The following DPP10 variants were observed in gnomAD, a reference collection of about 807,000 sequenced individuals.
DPP10 encodes the protein dipeptidyl peptidase like 10.
DPP10 carries 33 observed loss-of-function variants against 120.9 expected under a neutral mutation model. That is an observed-to-expected ratio of 0.27 (90% CI 0.21 to 0.37). DPP10 has a LOEUF of 0.37. DPP10 is among the 10% of genes least tolerant of loss of function. The pLI is 1.00. For missense variants in DPP10, 816 were observed against 942.8 expected (o/e 0.87, Z 1.76); for synonymous variants, 337 against 326.1 (o/e 1.03, Z -0.36).
chr2:115,747,087 G>A lies in DPP10; in HGVS notation c.950+904G>A, dbSNP rs150044137. On this transcript the variant is annotated intron_variant, in intron 10 of 25. Coordinates refer to ENST00000410059, the MANE Select transcript of DPP10 (RefSeq NM_020868.6). ...GTGGAAATTTTACGTACTTGAAAAG[G>A]TAATAAAGGTTTATGGAATGCTTAC... Among the ~76,000 whole-genome samples, 111 of 152,224 alleles carry A rather than the reference G, an allele frequency of 7.3e-4. 1 individual carries two copies. Among genetic ancestry groups the A allele is most frequent in the African/African-American group, 2.5e-3 (103 of 41,542 alleles).
intron 7 of DPP10, among the ~76,000 whole-genome samples, chr2:115,709,251 G>C (rs529360663): frequency 3.5e-4 from 53 of 152,140 alleles, no homozygotes; most frequent in African/African-American, 1.2e-3. Context: ...CTGTCGTTTA[G>C]GCAAGACCAA....
At chr2:115,025,396 T>C (rs1275708979) in intron 1 of DPP10, among the ~76,000 whole-genome samples, 4 of 152,204 alleles carry the variant, frequency 2.6e-5, no homozygotes, top group Non-Finnish European at 5.9e-5. Context: ...CTTTATCCAT[T>C]CATCCATTGA....
intron 5 of DPP10, among the ~76,000 whole-genome samples, chr2:115,537,938 T>C (rs1158466451): frequency 6.6e-6 from 1 of 151,960 alleles, no homozygotes; most frequent in African/African-American, 2.4e-5. Context: ...AGTTTTTCCA[T>C]GTGTAGCTGT....
intron 1 of DPP10, among the ~76,000 whole-genome samples, chr2:114,976,619 T>A (rs1420601943): frequency 1.3e-5 from 2 of 152,232 alleles, no homozygotes; most frequent in African/African-American, 4.8e-5. Context: ...CATAGAATAT[T>A]TCAGTGGAGA....
chr2:115,728,073 C>CAAAGA, intron 8 of DPP10, 137 bp downstream of exon 8: 1 of 925,120 alleles, frequency 1.1e-6, no homozygotes, highest in Non-Finnish European at 1.6e-6. Flanking sequence ...TGCCCTCATG[C>CAAAGA]TTTCATATCT....
intron 1 of DPP10, among the ~76,000 whole-genome samples, chr2:114,724,707 C>A (rs1184724394): frequency 6.6e-6 from 1 of 152,154 alleles, no homozygotes; most frequent in East Asian, 1.9e-4. Flanking sequence ...TGTGTGCAGC[C>A]TCTGAAAGCT....
At chr2:115,574,450 T>G (rs1426806470) in intron 5 of DPP10, among the ~76,000 whole-genome samples, 1 of 152,192 alleles carries the variant, frequency 6.6e-6, no homozygotes, top group East Asian at 1.9e-4. Flanking sequence ...CTGCAACACT[T>G]CCTGCCTCTG....
intron 3 of DPP10, among the ~76,000 whole-genome samples, chr2:115,479,453 T>C (rs185496649): frequency 4.0e-4 from 61 of 152,256 alleles, no homozygotes; most frequent in African/African-American, 1.4e-3. Context: ...TTTTCAGTTT[T>C]GCAAGATGAA....
intron 1 of DPP10, among the ~76,000 whole-genome samples, chr2:114,652,340 C>T (rs1696653089): frequency 6.6e-6 from 1 of 152,188 alleles, no homozygotes; most frequent in Admixed American, 6.5e-5. Context: ...TCTGGAGGCA[C>T]ATCCTAACAG....
chr2:114,608,201 C>T (rs552988207), intron 1 of DPP10, among the ~76,000 whole-genome samples: 5 of 152,280 alleles, frequency 3.3e-5, no homozygotes, highest in African/African-American at 1.2e-4. Flanking sequence ...TCTGAGCAGA[C>T]AAATACGCAG....
chr2:115,001,070 G>A (rs926922612), intron 1 of DPP10, among the ~76,000 whole-genome samples: 1 of 152,068 alleles, frequency 6.6e-6, no homozygotes, highest in Non-Finnish European at 1.5e-5. Context: ...CCATTAACTT[G>A]TTTTACTCTA....
intron 1 of DPP10, among the ~76,000 whole-genome samples, chr2:114,443,746 C>T (rs1220299051): frequency 6.6e-6 from 1 of 150,736 alleles, no homozygotes; most frequent in Non-Finnish European, 1.5e-5. Context: ...CCTGACAGGG[C>T]ATCTTTAGTT....
At chr2:114,621,019 G>A (rs906621166) in intron 1 of DPP10, among the ~76,000 whole-genome samples, 4 of 152,036 alleles carry the variant, frequency 2.6e-5, no homozygotes, top group Non-Finnish European at 5.9e-5. Flanking sequence ...GAAAAGCCCA[G>A]CCAAAATATG....
At chr2:115,799,133 T>G (rs1167309156) in intron 19 of DPP10, among the ~76,000 whole-genome samples, 1 of 152,086 alleles carries the variant, frequency 6.6e-6, no homozygotes. Context: ...TATAAGAAAA[T>G]GTGGCTCTGA....
chr2:115,356,529 A>G (rs138816339), intron 3 of DPP10, among the ~76,000 whole-genome samples: 1,570 of 152,116 alleles, frequency 0.01, 24 homozygotes, highest in African/African-American at 0.037. Context: ...CTCTCTTCCT[A>G]TTTGAATACC....
At chr2:115,672,410 A>G (rs909225005) in intron 5 of DPP10, among the ~76,000 whole-genome samples, 1 of 152,174 alleles carries the variant, frequency 6.6e-6, no homozygotes, top group Admixed American at 6.5e-5. Flanking sequence ...ATTTCTAGAT[A>G]GTTAGAACAT....
chr2:115,762,879 T>C (rs1341270184), intron 12 of DPP10, among the ~76,000 whole-genome samples: 2 of 152,208 alleles, frequency 1.3e-5, no homozygotes, highest in African/African-American at 2.4e-5. Context: ...CACTCTTGTG[T>C]AGATGAAGGA....
At chr2:114,720,167 G>GGT (rs563179365) in intron 1 of DPP10, among the ~76,000 whole-genome samples, 116 of 152,274 alleles carry the variant, frequency 7.6e-4, no homozygotes, top group Middle Eastern at 3.4e-3. Context: ...AGAGACAGGA[G>GGT]GTGGGGAAGA....
chr2:115,085,898 C>T (rs912497544), intron 1 of DPP10, among the ~76,000 whole-genome samples: 4 of 152,184 alleles, frequency 2.6e-5, no homozygotes, highest in Non-Finnish European at 4.4e-5. Flanking sequence ...TGGCCAAATT[C>T]CTACCTAAGG....
Sources: allele counts gnomAD v4.1 joint callset (sites outside exome capture counted in the v4.1 genomes callset), GRCh38; gene constraint gnomAD v4.1.1; transcripts MANE v1.5; gene names NCBI Gene and HGNC (gene_info 2026-07-23, HGNC 2026-07-21).